CNOT6L: variants seen among roughly 807,000 people sequenced by gnomAD.
CNOT6L encodes the protein CCR4-NOT transcription complex subunit 6 like.
In CNOT6L, 7 loss-of-function variants were observed where a neutral mutation model predicts 64.0. The observed-to-expected ratio is 0.11, with a 90% CI of 0.06 to 0.21. CNOT6L has a LOEUF of 0.21. CNOT6L is among the 10% of genes least tolerant of loss of function. CNOT6L has a pLI of 1.00. For missense variants in CNOT6L, 245 were observed against 669.0 expected (o/e 0.37, Z 6.99); for synonymous variants, 193 against 243.4 (o/e 0.79, Z 1.93).
At chr4:77,801,058 C>T (rs1417798402) in intron 1 of CNOT6L, among the ~76,000 whole-genome samples, 1 of 152,080 alleles carries the variant, frequency 6.6e-6, no homozygotes, top group Non-Finnish European at 1.5e-5. Flanking sequence ...GAAAGGGTGT[C>T]AACTTTAAAA....
At chr4:77,818,464 T>A (rs998988277) in intron 1 of CNOT6L, among the ~76,000 whole-genome samples, 6 of 152,048 alleles carry the variant, frequency 3.9e-5, no homozygotes. Context: ...AAAAAAATCT[T>A]ACCAACGGCA....
At chr4:77,780,856 G>A (rs1728781856) in intron 1 of CNOT6L, among the ~76,000 whole-genome samples, 1 of 152,144 alleles carries the variant, frequency 6.6e-6, no homozygotes, top group Non-Finnish European at 1.5e-5. Context: ...CCACCTAGTT[G>A]GGTGGCTGAG....
At chr4:77,800,291 C>T (rs546991602) in intron 1 of CNOT6L, among the ~76,000 whole-genome samples, 1 of 152,156 alleles carries the variant, frequency 6.6e-6, no homozygotes, top group Non-Finnish European at 1.5e-5. Context: ...TGCTTGAGCC[C>T]AGGCGTTCAA....
At position 77,744,939 on chromosome 4, in the gene CNOT6L, A is replaced by G. The variant is rs370473281; in HGVS notation, c.560-64T>C. On this transcript the variant is annotated intron_variant, in intron 6 of 11. Transcript: ENST00000504123. ...AAATTAGGCAACTTTTTCTAAAGCA[A>G]TATCATGTGTACACCTGCACAAGCA... 65 of 1,394,920 alleles carry G rather than the reference A, an allele frequency of 4.7e-5. 1 individual carries two copies. The South Asian group carries it at 6.7e-4, about 14-fold the overall frequency. 86.4% of individuals were successfully genotyped at this position (1,394,920 alleles called of 1,614,324 possible).
chr4:77,809,086 G>A (rs1454061729), intron 1 of CNOT6L, among the ~76,000 whole-genome samples: 6 of 152,084 alleles, frequency 3.9e-5, no homozygotes, highest in African/African-American at 1.2e-4. Context: ...AAAACTCTAC[G>A]AGATAAGGAA....
At chr4:77,783,639 G>C (rs917503459) in intron 1 of CNOT6L, among the ~76,000 whole-genome samples, 2 of 152,130 alleles carry the variant, frequency 1.3e-5, no homozygotes, top group Non-Finnish European at 2.9e-5. Flanking sequence ...GAGTTCCCAG[G>C]ACAAGAATGA....
chr4:77,731,707 T>C (rs1010268257), intron 8 of CNOT6L, 169 bp from the exon 9 acceptor site: 62 of 495,498 alleles, frequency 1.3e-4, no homozygotes, highest in Non-Finnish European at 1.5e-4. Context: ...TGTAAAAAGT[T>C]TCTCAGAGGC....
chr4:77,806,458 C>G (rs573192583), intron 1 of CNOT6L, among the ~76,000 whole-genome samples: 1 of 151,996 alleles, frequency 6.6e-6, no homozygotes, highest in Non-Finnish European at 1.5e-5. Flanking sequence ...CAAACTGCCA[C>G]CAACCTGTTC....
At chr4:77,742,787 T>A (rs1315582169) in intron 7 of CNOT6L, among the ~76,000 whole-genome samples, 1 of 152,204 alleles carries the variant, frequency 6.6e-6, no homozygotes, top group African/African-American at 2.4e-5. Context: ...AATTTTTAAG[T>A]ACCTAAATCG....
Position 77,728,768 on chromosome 4 carries a change from T to C in CNOT6L, c.1252+86A>G, listed in dbSNP as rs948267113. 6 of 964,034 alleles carry C rather than the reference T, an allele frequency of 6.2e-6. No homozygotes were observed. In the African/African-American group the frequency reaches 8.1e-5, roughly 13 times the overall value. The allele number at this position is 964,034 out of a possible 1,614,324, so 59.7% of individuals were successfully genotyped here. A position where few individuals can be genotyped will look rare whatever the true frequency, so the allele number is the denominator to read the frequency against. On this transcript the variant is annotated intron_variant, in intron 10 of 11. Coordinates refer to ENST00000504123, the MANE Select transcript of CNOT6L (RefSeq NM_144571.3). Reference sequence around the variant, plus strand: ...TTCTTATGATACATTCCTTAATTTATCTACTCAAAATTTAGGAGCTAGCTG... The same window carrying C: ...TTCTTATGATACATTCCTTAATTTACCTACTCAAAATTTAGGAGCTAGCTG...
intron 5 of CNOT6L, among the ~76,000 whole-genome samples, chr4:77,753,158 GAAATT>G (rs1260661396): frequency 1.4e-5 from 1 of 73,624 alleles, no homozygotes; most frequent in Non-Finnish European, 3.0e-5. Flanking sequence ...AATTATTAAA[GAAATT>G]AAATCAGTAA....
At chr4:77,783,150 CAAAAAAAAA>C (rs35634501) in intron 1 of CNOT6L, among the ~76,000 whole-genome samples, 1 of 102,184 alleles carries the variant, frequency 9.8e-6, no homozygotes, top group Non-Finnish European at 1.9e-5. Flanking sequence ...TGTGACCACT[CAAAAAAAAA>C]AAAAAAAAAA....
At chr4:77,726,104 CCTT>C (rs1560572506) in intron 11 of CNOT6L, 60 bp downstream of exon 11, 2 of 1,390,112 alleles carry the variant, frequency 1.4e-6, no homozygotes, top group Non-Finnish European at 2.0e-6. Context: ...AGAATTTACA[CCTT>C]TTTTGTTACA....
chr4:77,773,422 T>G (rs1727818448), intron 3 of CNOT6L, among the ~76,000 whole-genome samples: 1 of 152,336 alleles, frequency 6.6e-6, no homozygotes, highest in East Asian at 1.9e-4. Context: ...GTGTAGGAAC[T>G]GCATATCATT....
chr4:77,780,740 ATT>A (rs141527594), intron 1 of CNOT6L, among the ~76,000 whole-genome samples: 9,702 of 152,278 alleles, frequency 0.064, 456 homozygotes, highest in African/African-American at 0.13. Context: ...ACTTTAATAA[ATT>A]TGTCTTTGGT....
At chr4:77,780,590 G>A (rs1412364656) in intron 1 of CNOT6L, among the ~76,000 whole-genome samples, 3 of 152,080 alleles carry the variant, frequency 2.0e-5, no homozygotes, top group African/African-American at 7.2e-5. Context: ...AGGCCTCAGA[G>A]ACTCTGAGTA....
chr4:77,780,955 C>T (rs1431413173), intron 1 of CNOT6L, among the ~76,000 whole-genome samples: 2 of 152,022 alleles, frequency 1.3e-5, no homozygotes, highest in Non-Finnish European at 2.9e-5. Flanking sequence ...GCCTGGGCAA[C>T]ACAGCAAGAC....
At chr4:77,732,661 A>C (rs1722572084) in intron 8 of CNOT6L, among the ~76,000 whole-genome samples, 1 of 152,108 alleles carries the variant, frequency 6.6e-6, no homozygotes, top group Admixed American at 6.6e-5. Flanking sequence ...AAGTGACTAT[A>C]GTTTCTACCC....
chr4:77,784,546 G>A (rs1053423341), intron 1 of CNOT6L, among the ~76,000 whole-genome samples: 2 of 148,576 alleles, frequency 1.3e-5, no homozygotes, highest in East Asian at 2.0e-4. Context: ...CACCCAGGCT[G>A]GAGTGCAGTG....
Sources: allele counts gnomAD v4.1 joint callset (sites outside exome capture counted in the v4.1 genomes callset), GRCh38; gene constraint gnomAD v4.1.1; transcripts MANE v1.5; gene names NCBI Gene and HGNC (gene_info 2026-07-23, HGNC 2026-07-21).